The following PCDHA7 variants were observed in gnomAD, a reference collection of about 807,000 sequenced individuals.
The protein encoded by PCDHA7 is protocadherin alpha-7.
PCDHA7 carries 37 observed loss-of-function variants against 57.2 expected under a neutral mutation model. The ratio of observed to expected loss-of-function variants is 0.65; its 90% CI spans 0.50 to 0.85. The LOEUF (loss-of-function observed/expected upper bound fraction) is 0.85, where lower values mean the gene tolerates loss of function less well. Among genes scored for constraint, PCDHA7 ranks in the 40% least tolerant of loss-of-function variants. PCDHA7 has a pLI of 0.00. For synonymous variants in PCDHA7, 553 were observed against 558.8 expected (o/e 0.99, Z 0.15); for missense variants, 1,188 against 1,241.8 (o/e 0.96, Z 0.65).
chr5:140,882,859 GA>G (rs1554175853), intron 1 of PCDHA7: 4 of 1,614,192 alleles, frequency 2.5e-6, no homozygotes, highest in Non-Finnish European at 3.4e-6. Flanking sequence ...TTGTACTGAG[GA>G]AAACACTGGA....
At chr5:141,006,774 A>G (rs1435816376) in intron 3 of PCDHA7, among the ~76,000 whole-genome samples, 8 of 152,172 alleles carry the variant, frequency 5.3e-5, no homozygotes, top group Admixed American at 3.3e-4. Flanking sequence ...AGAATAGAGA[A>G]AAATGAATAA....
chr5:140,869,450 T>C, intron 1 of PCDHA7: 1 of 1,614,098 alleles, frequency 6.2e-7, no homozygotes, highest in Non-Finnish European at 8.5e-7. Flanking sequence ...CCGCTGCAGG[T>C]TTTCCATGTG....
At chr5:140,967,066 C>A (rs782715200) in intron 1 of PCDHA7, 2 of 1,612,908 alleles carry the variant, frequency 1.2e-6, no homozygotes, top group Non-Finnish European at 1.7e-6. Context: ...GAGCGCTCTT[C>A]GTCAACGAGC....
chr5:140,982,331 G>A lies in PCDHA7; in HGVS notation c.2415-144G>A, dbSNP rs1422921231. On this transcript the variant is annotated intron_variant, in intron 2 of 3. Coordinates refer to ENST00000525929, the MANE Select transcript of PCDHA7 (RefSeq NM_018910.3). ...GCAGTTTATGCAGGGTGACTGCTCA[G>A]CAGTAATTGCTTCAGTTCAAGCATG... The A allele has an allele frequency of 6.3e-6, 9 of 1,431,750 alleles. No individual in the cohort carries two copies. In the Admixed American group the frequency reaches 1.6e-4, roughly 26 times the overall value. 88.7% of individuals were successfully genotyped at this position (1,431,750 alleles called of 1,614,324 possible).
At chr5:141,008,014 CT>C (rs1268690822) in intron 3 of PCDHA7, among the ~76,000 whole-genome samples, 12 of 152,070 alleles carry the variant, frequency 7.9e-5, no homozygotes, top group African/African-American at 1.7e-4. Flanking sequence ...CTTCTGTTTC[CT>C]TTTTTTTCTT....
At chr5:140,890,530 T>G (rs2062685019) in intron 1 of PCDHA7, among the ~76,000 whole-genome samples, 1 of 152,222 alleles carries the variant, frequency 6.6e-6, no homozygotes. Flanking sequence ...TTGTTGATCT[T>G]CTTTTGAAAT....
At chr5:140,864,838 A>C (rs868993134) in intron 1 of PCDHA7, 5 of 152,252 alleles carry the variant, frequency 3.3e-5, no homozygotes, top group Admixed American at 1.3e-4. Flanking sequence ...AGTATAAGAG[A>C]GTCTTCCCAT....
chr5:140,962,028 C>T (rs1046578713), intron 1 of PCDHA7, among the ~76,000 whole-genome samples: 81 of 152,150 alleles, frequency 5.3e-4, no homozygotes, highest in African/African-American at 1.8e-3. Context: ...GGACTACAGG[C>T]ACCCACCACC....
At chr5:140,877,108 G>C in intron 1 of PCDHA7, 1 of 1,613,542 alleles carries the variant, frequency 6.2e-7, no homozygotes. Context: ...GCCGCCTCTG[G>C]GCAGCAACGT....
intron 3 of PCDHA7, among the ~76,000 whole-genome samples, chr5:140,986,372 G>C (rs570215048): frequency 2.1e-4 from 32 of 152,248 alleles, no homozygotes; most frequent in Admixed American, 5.2e-4. Context: ...ATGCGTTTTG[G>C]GGGGAGGGAC....
chr5:140,844,101 A>G lies in PCDHA7; in HGVS notation c.2355+7363A>G, dbSNP rs981033565. Among the ~76,000 whole-genome samples, 6 of 149,238 alleles carry G rather than the reference A, an allele frequency of 4.0e-5. 1 individual carries two copies. In the South Asian group the frequency reaches 1.1e-3, roughly 26 times the overall value. On this transcript the variant is annotated intron_variant, in intron 1 of 3. Transcript: ENST00000525929. ...GGCACTGAACTCTTAATCTTACTCC[A>G]TATGCTGTACTTTGAAATGCATGTT... is the stretch of plus-strand genomic sequence containing the variant.
intron 1 of PCDHA7, among the ~76,000 whole-genome samples, chr5:140,930,720 A>T (rs574022781): frequency 5.3e-5 from 8 of 152,226 alleles, no homozygotes; most frequent in Non-Finnish European, 8.8e-5. Flanking sequence ...TCAAGTAATG[A>T]TGTTAACTGC....
chr5:140,862,895 T>A, intron 1 of PCDHA7: 1 of 553,854 alleles, frequency 1.8e-6, no homozygotes, highest in South Asian at 1.4e-5. Context: ...ACGACAACTT[T>A]GTCTGCGCTG....
At chr5:140,869,218 G>A in intron 1 of PCDHA7, 1 of 1,613,824 alleles carries the variant, frequency 6.2e-7, no homozygotes, top group Non-Finnish European at 8.5e-7. Context: ...CTCGGAGGAG[G>A]CCAAACACGG....
At chr5:140,864,300 T>C (rs889692315) in intron 1 of PCDHA7, 9 of 152,214 alleles carry the variant, frequency 5.9e-5, no homozygotes, top group Non-Finnish European at 1.2e-4. Flanking sequence ...TATTCAAAAA[T>C]ACCATGACAA....
intron 1 of PCDHA7, among the ~76,000 whole-genome samples, chr5:140,900,040 G>A (rs1407235485): frequency 4.6e-5 from 7 of 152,046 alleles, no homozygotes; most frequent in Non-Finnish European, 8.8e-5. Flanking sequence ...GAATTCCTGG[G>A]CTCAAGTGAT....
chr5:140,955,073 C>T (rs2095133365), intron 1 of PCDHA7, among the ~76,000 whole-genome samples: 1 of 152,146 alleles, frequency 6.6e-6, no homozygotes, highest in South Asian at 2.1e-4. Context: ...TGTTGAAGAT[C>T]AGATGGTTGT....
intron 1 of PCDHA7, among the ~76,000 whole-genome samples, chr5:140,903,594 A>G (rs868958257): frequency 3.3e-5 from 5 of 152,238 alleles, no homozygotes; most frequent in South Asian, 2.1e-4. Flanking sequence ...TTGGCCTGAT[A>G]AATGCTTAAT....
intron 1 of PCDHA7, chr5:140,841,363 A>G (rs1777178897): frequency 2.5e-6 from 4 of 1,613,472 alleles, no homozygotes; most frequent in African/African-American, 1.3e-5. Context: ...CCTGGCGACT[A>G]CTACTCTTGC....
Sources: gnomAD v4.1 joint callset for allele counts (sites outside exome capture counted in the v4.1 genomes callset) on GRCh38, gnomAD v4.1.1 for gene constraint, MANE v1.5 for transcripts, NCBI Gene and HGNC (gene_info 2026-07-23, HGNC 2026-07-21) for gene names.